The following RPTOR variants were observed in gnomAD, a reference collection of about 807,000 sequenced individuals.
RPTOR encodes regulatory-associated protein of mTOR.
Under a neutral mutation model 169.9 loss-of-function variants are expected in RPTOR, and 21 were observed. The ratio of observed to expected loss-of-function variants is 0.12; its 90% CI spans 0.09 to 0.18. The LOEUF (loss-of-function observed/expected upper bound fraction) is 0.18. Ranked by LOEUF, RPTOR falls within the 10% of genes least tolerant of loss-of-function variation. RPTOR has a pLI of 1.00. For synonymous variants in RPTOR, 732 were observed against 753.2 expected (o/e 0.97, Z 0.46); for missense variants, 1,133 against 1,855.9 (o/e 0.61, Z 7.16).
intron 3 of RPTOR, among the ~76,000 whole-genome samples, chr17:80,689,373 C>T (rs535888038): frequency 4.6e-5 from 7 of 152,340 alleles, no homozygotes; most frequent in East Asian, 1.9e-4. Context: ...GGGCGGAGGA[C>T]GCCACCTGCT....
At chr17:80,690,714 A>T (rs902052810) in intron 3 of RPTOR, among the ~76,000 whole-genome samples, 1 of 152,060 alleles carries the variant, frequency 6.6e-6, no homozygotes, top group South Asian at 2.1e-4. Context: ...GATATCTGAT[A>T]GTCCCTCTGT....
intron 13 of RPTOR, among the ~76,000 whole-genome samples, chr17:80,859,775 G>A (rs957962165): frequency 5.3e-5 from 8 of 152,230 alleles, no homozygotes; most frequent in Non-Finnish European, 7.3e-5. Context: ...TGTGTGTGGC[G>A]CCCTGTCAGG....
intron 17 of RPTOR, among the ~76,000 whole-genome samples, chr17:80,887,645 C>A (rs942211936): frequency 2.6e-5 from 4 of 152,146 alleles, no homozygotes; most frequent in African/African-American, 9.7e-5. Context: ...TGAGAGGCTC[C>A]TGGCACCCTC....
intron 21 of RPTOR, among the ~76,000 whole-genome samples, chr17:80,916,044 A>C (rs910865234): frequency 4.6e-5 from 7 of 151,994 alleles, no homozygotes; most frequent in Admixed American, 2.6e-4. Flanking sequence ...CTTAACCTCC[A>C]CTTGTCCGTG....
intron 1 of RPTOR, 123 bp from the exon 2 acceptor site, chr17:80,625,568 G>C: frequency 1.4e-6 from 1 of 715,284 alleles, no homozygotes; most frequent in Non-Finnish European, 2.4e-6. Context: ...GCGGAGGACT[G>C]GCTGGAGGGC....
chr17:80,876,768 C>T (rs1465129448), intron 13 of RPTOR, among the ~76,000 whole-genome samples: 2 of 108,004 alleles, frequency 1.9e-5, no homozygotes, highest in Non-Finnish European at 3.7e-5. Flanking sequence ...GTGTGTGTGT[C>T]GCCTGCCGGG....
intron 1 of RPTOR, among the ~76,000 whole-genome samples, chr17:80,602,350 G>A: frequency 1.4e-5 from 1 of 70,436 alleles, no homozygotes; most frequent in Non-Finnish European, 3.1e-5. Flanking sequence ...CTCCCGGACG[G>A]GGCGGCTGGC....
intron 13 of RPTOR, among the ~76,000 whole-genome samples, chr17:80,871,644 TG>T (rs562671723): frequency 4.6e-5 from 7 of 152,240 alleles, no homozygotes; most frequent in Non-Finnish European, 8.8e-5. Context: ...TTTATGTCTG[TG>T]GTTAACTTAT....
At chr17:80,616,118 G>T (rs1014206977) in intron 1 of RPTOR, among the ~76,000 whole-genome samples, 19 of 152,212 alleles carry the variant, frequency 1.2e-4, no homozygotes, top group African/African-American at 4.6e-4. Context: ...TGTACCATGG[G>T]TAACATATTG....
At chr17:80,614,667 G>A (rs1428245099) in intron 1 of RPTOR, among the ~76,000 whole-genome samples, 1 of 152,238 alleles carries the variant, frequency 6.6e-6, no homozygotes, top group Non-Finnish European at 1.5e-5. Flanking sequence ...GAAGAAATAT[G>A]TGTAGTGAAT....
At chr17:80,945,571 G>A (rs563657972) in intron 25 of RPTOR, 96 bp from the exon 26 acceptor site, 34 of 710,770 alleles carry the variant, frequency 4.8e-5, no homozygotes, top group Middle Eastern at 3.5e-4. Flanking sequence ...CAGCCTGGGC[G>A]ACAGAGCGAG....
intron 3 of RPTOR, among the ~76,000 whole-genome samples, chr17:80,685,049 A>C (rs56078934): frequency 0.18 from 26,718 of 152,130 alleles, 3,749 homozygotes; most frequent in African/African-American, 0.39. Flanking sequence ...ATGTGTATGT[A>C]GTTTTTTTCT....
chr17:80,564,123 T>C (rs1170869943), intron 1 of RPTOR, among the ~76,000 whole-genome samples: 2 of 151,652 alleles, frequency 1.3e-5, no homozygotes, highest in African/African-American at 4.8e-5. Context: ...AGTGCAGTGG[T>C]GTGATCTGGG....
intron 9 of RPTOR, among the ~76,000 whole-genome samples, chr17:80,835,340 G>A (rs1229228568): frequency 6.6e-6 from 1 of 152,084 alleles, no homozygotes; most frequent in East Asian, 1.9e-4. Flanking sequence ...TGACACGGCA[G>A]CACGGAGTGT....
chr17:80,589,511 T>C (rs563326917), intron 1 of RPTOR, among the ~76,000 whole-genome samples: 1 of 152,350 alleles, frequency 6.6e-6, no homozygotes, highest in South Asian at 2.1e-4. Context: ...GAGGCTTTGA[T>C]TGTGATTTAA....
chr17:80,879,196 T>C (rs370023188), intron 13 of RPTOR, among the ~76,000 whole-genome samples: 67 of 152,106 alleles, frequency 4.4e-4, no homozygotes, highest in African/African-American at 1.5e-3. Flanking sequence ...TGGGCAGCCC[T>C]CCACTTGGAT....
rs1555625600 is a variant in RPTOR, at chr17:80,841,157, G to GGCAGCTCACACTCACCACACA, written c.1212+3169_1212+3170insACTCACCACACAGCAGCTCAC. The stretch of plus-strand genomic sequence containing the variant: ...GCACGGCAGCTCACTCTCACCGCAC[G>GGCAGCTCACACTCACCACACA]GCAGCTCACTCTCACCGCACGGCAG... On this transcript the variant is annotated intron_variant, in intron 10 of 33. Transcript: ENST00000306801. Among the ~76,000 whole-genome samples, 367 of 62,414 alleles carry GGCAGCTCACACTCACCACACA rather than the reference G, an allele frequency of 5.9e-3. 109 individuals carry two copies. The highest frequency in any genetic ancestry group is 9.0e-3 in the Non-Finnish European group (269 of 30,032). The allele number at this position is 62,414 out of a possible 152,430, so 40.9% of individuals were successfully genotyped here. A position where few individuals can be genotyped will look rare whatever the true frequency, so the allele number is the denominator to read the frequency against.
Position 80,964,957 on chromosome 17 carries a change from G to A in RPTOR, c.*627G>A, listed in dbSNP as rs1025102158. The A allele has an allele frequency of 2.4e-4, 55 of 233,412 alleles. No individual in the cohort carries two copies. Among genetic ancestry groups the A allele is most frequent in the Non-Finnish European group, 3.4e-5 (4 of 118,236 alleles). The allele number at this position is 233,412 out of a possible 1,614,324, so 14.5% of individuals were successfully genotyped here. On this transcript the variant is annotated 3_prime_UTR_variant, in exon 34 of 34. Transcript: ENST00000306801. ...CGCCCAGGGGTCCGGGCTGTCCTTG[G>A]CCGCTGGCAGCATCACTGAGCAGGA... is the stretch of plus-strand genomic sequence containing the variant.
intron 1 of RPTOR, among the ~76,000 whole-genome samples, chr17:80,581,729 G>C (rs1377030867): frequency 6.6e-6 from 1 of 152,124 alleles, no homozygotes; most frequent in African/African-American, 2.4e-5. Flanking sequence ...CATTGGGCCA[G>C]TGCATGCCTG....
Sources: gnomAD v4.1 joint callset for allele counts (sites outside exome capture counted in the v4.1 genomes callset) on GRCh38, gnomAD v4.1.1 for gene constraint, MANE v1.5 for transcripts, NCBI Gene and HGNC (gene_info 2026-07-23, HGNC 2026-07-21) for gene names.